SLCO1A2: variants seen among roughly 807,000 people sequenced by gnomAD.
SLCO1A2 encodes OATP-1.
Under a neutral mutation model 69.0 loss-of-function variants are expected in SLCO1A2, and 67 were observed. The ratio of observed to expected loss-of-function variants is 0.97; its 90% CI spans 0.80 to 1.19. The LOEUF is 1.19. SLCO1A2 is among the 50% of genes most tolerant of loss of function. The pLI is 0.00. For missense variants in SLCO1A2, 787 were observed against 793.7 expected (o/e 0.99, Z 0.10); for synonymous variants, 260 against 265.9 (o/e 0.98, Z 0.22).
Position 21,283,996 on chromosome 12 carries a change from G to A in SLCO1A2, c.1610+8168C>T, listed in dbSNP as rs60205393. ...ATAAGTACAACTACTATGCAGAACA[G>A]TTTGGAGGTTCCTCAAAAAACTCAA... On this transcript the variant is annotated intron_variant, in intron 12 of 14. Transcript: ENST00000683939. 9.5e-4 allele frequency among the ~76,000 whole-genome samples: 145 copies of A among 152,200 alleles called. 4 individuals are homozygous for A. The East Asian group carries it at 0.026, about 28-fold the overall frequency.
intron 7 of SLCO1A2, 26 bp downstream of exon 7, chr12:21,301,145 T>C: frequency 6.7e-7 from 1 of 1,490,808 alleles, no homozygotes; most frequent in Non-Finnish European, 9.3e-7. Flanking sequence ...GTCTAGACAC[T>C]GTACAAATAG....
chr12:21,351,757 A>T lies in SLCO1A2; in HGVS notation c.-62-17048T>A, dbSNP rs537436884. 2.6e-5 allele frequency among the ~76,000 whole-genome samples: 4 copies of T among 151,766 alleles called. No homozygotes were observed. The South Asian group carries it at 8.4e-4, about 32-fold the overall frequency. On this transcript the variant is annotated intron_variant, in intron 2 of 15. Transcript: ENST00000307378. ...CACGCCATTGCACTCCAGCCTGGGC[A>T]ACAAGAGCAAAATTCCGTCTCAAAA... is the stretch of plus-strand genomic sequence containing the variant.
chr12:21,405,768 C>A (rs1245481778), intron 1 of SLCO1A2, among the ~76,000 whole-genome samples: 1 of 152,098 alleles, frequency 6.6e-6, no homozygotes, highest in Admixed American at 6.6e-5. Context: ...TCCAGATGGA[C>A]TAAAGACTTA....
intron 2 of SLCO1A2, among the ~76,000 whole-genome samples, chr12:21,341,391 T>A (rs957165396): frequency 6.6e-6 from 1 of 152,090 alleles, no homozygotes; most frequent in Admixed American, 6.6e-5. Flanking sequence ...AGGATCATTA[T>A]GTTTTCACCA....
upstream of SLCO1A2, among the ~76,000 whole-genome samples, chr12:21,397,519 G>A (rs11502682): frequency 0.025 from 3,858 of 151,960 alleles, 163 homozygotes; most frequent in African/African-American, 0.087. Flanking sequence ...TGCACCAAGC[G>A]GACCTAATAG....
In SLCO1A2 at chr12:21,267,662, G is replaced by A. The variant is rs1942222516; in HGVS notation, c.*1886C>T. ...TTGCTTCTTTTTAGCTCAGATTCCA[G>A]TTCAGAAATGAGCATTCTCTTCACC... is the stretch of plus-strand genomic sequence containing the variant. On this transcript the variant is annotated 3_prime_UTR_variant, in exon 15 of 15. Transcript: ENST00000683939. 1 of 151,982 alleles carries A rather than the reference G, an allele frequency of 6.6e-6. No individual in the cohort carries two copies. Among genetic ancestry groups the A allele is most frequent in the South Asian group, 2.1e-4 (1 of 4,806 alleles). The allele number at this position is 151,982 out of a possible 1,614,324, so 9.4% of individuals were successfully genotyped here. A position where few individuals can be genotyped will look rare whatever the true frequency, so the allele number is the denominator to read the frequency against.
At chr12:21,397,367 A>G (rs1363011757), upstream of SLCO1A2, among the ~76,000 whole-genome samples, 6 of 152,168 alleles carry the variant, frequency 3.9e-5, no homozygotes, top group Non-Finnish European at 8.8e-5. Flanking sequence ...ACCAAGATTC[A>G]TAAAGCAAGT....
At chr12:21,358,423 G>A (rs1036843772) in intron 2 of SLCO1A2, among the ~76,000 whole-genome samples, 1 of 152,148 alleles carries the variant, frequency 6.6e-6, no homozygotes, top group Non-Finnish European at 1.5e-5. Context: ...TTTAAACTAT[G>A]TGGCAATCCA....
intron 2 of SLCO1A2, among the ~76,000 whole-genome samples, chr12:21,356,066 G>A (rs1464800800): frequency 6.6e-6 from 1 of 152,016 alleles, no homozygotes; most frequent in Non-Finnish European, 1.5e-5. Context: ...CCTGTATAAT[G>A]TAGTGATAGA....
chr12:21,304,517 C>G lies in SLCO1A2; in HGVS notation c.499G>C (p.Val167Leu), dbSNP rs1219207437. 6.2e-7 allele frequency: 1 copy of G among 1,612,978 alleles called. No homozygotes were observed. Among genetic ancestry groups the G allele is most frequent in the East Asian group, 2.2e-5 (1 of 44,866 alleles). ...MWVYVLVGNI[V>L]RGMGETPILP... ...ATGGGAGTTTCACCCATTCCACGTA[C>G]AATATTGCCTACTAGGACGTACACC... The change falls in exon 6 of 15, where the codon GTA becomes CTA. Residue 167 changes from valine to leucine, a missense_variant. Physicochemically the swap from Val to Leu is conservative, Grantham distance 32. Transcript: ENST00000683939.
At chr12:21,275,501 G>C (rs1943659440) in intron 12 of SLCO1A2, 77 bp from the exon 13 acceptor site, 6 of 1,277,542 alleles carry the variant, frequency 4.7e-6, no homozygotes, top group Non-Finnish European at 6.1e-6. Context: ...AAGGCCAGTT[G>C]TAAGCTAGTC....
At chr12:21,379,632 A>C (rs1940460415) in intron 1 of SLCO1A2, 1 of 152,224 alleles carries the variant, frequency 6.6e-6, no homozygotes, top group Non-Finnish European at 1.5e-5. Context: ...TCTTATGAAT[A>C]TCTGCTTTTC....
intron 3 of SLCO1A2, 150 bp from the exon 4 acceptor site, chr12:21,314,831 A>G (rs940296526): frequency 1.1e-5 from 7 of 657,746 alleles, no homozygotes; most frequent in African/African-American, 5.5e-5. Context: ...ATAATAAATG[A>G]ATATAACACA....
At chr12:21,301,722 G>A (rs1204794908) in intron 6 of SLCO1A2, among the ~76,000 whole-genome samples, 1 of 152,060 alleles carries the variant, frequency 6.6e-6, no homozygotes, top group East Asian at 1.9e-4. Flanking sequence ...CTTCCTTCTG[G>A]CTATGTCCTC....
intron 12 of SLCO1A2, among the ~76,000 whole-genome samples, chr12:21,275,806 G>C (rs1056608417): frequency 5.9e-5 from 9 of 152,038 alleles, no homozygotes; most frequent in African/African-American, 2.2e-4. Context: ...GCTGGGTGTG[G>C]TGGTGGGTGC....
intron 1 of SLCO1A2, among the ~76,000 whole-genome samples, chr12:21,382,200 C>A (rs1940627312): frequency 6.6e-6 from 1 of 152,058 alleles, no homozygotes; most frequent in Non-Finnish European, 1.5e-5. Flanking sequence ...AGCTGGAGAC[C>A]ATTATTCTAA....
At chr12:21,406,921 T>C (rs546130935) in intron 1 of SLCO1A2, among the ~76,000 whole-genome samples, 1 of 152,278 alleles carries the variant, frequency 6.6e-6, no homozygotes, top group African/African-American at 2.4e-5. Context: ...AGAAAACATA[T>C]GGTAGTTTAT....
intron 1 of SLCO1A2, among the ~76,000 whole-genome samples, chr12:21,407,743 A>T (rs73065874): frequency 0.047 from 7,119 of 151,828 alleles, 187 homozygotes; most frequent in African/African-American, 0.061. Context: ...GGAAGTCAAG[A>T]CTGCAGTGAG....
At chr12:21,373,352 A>G (rs1459135226) in intron 2 of SLCO1A2, 14 of 1,609,768 alleles carry the variant, frequency 8.7e-6, no homozygotes, top group South Asian at 1.1e-5. Flanking sequence ...TTGAGAAGCA[A>G]TGGGCATCCT....
Sources: allele counts gnomAD v4.1 joint callset (sites outside exome capture counted in the v4.1 genomes callset), GRCh38; gene constraint gnomAD v4.1.1; transcripts MANE v1.5; gene names NCBI Gene and HGNC (gene_info 2026-07-23, HGNC 2026-07-21).